The following GPRC5A variants were observed in gnomAD, a reference collection of about 807,000 sequenced individuals.
GPRC5A encodes retinoic acid-induced protein 3.
Under a neutral mutation model 22.5 loss-of-function variants are expected in GPRC5A, and 19 were observed. That is an observed-to-expected ratio of 0.85 (90% CI 0.59 to 1.24). The LOEUF is 1.24. Among genes scored for constraint, GPRC5A ranks in the 50% most tolerant of loss-of-function variants. The pLI is 0.00. For synonymous variants in GPRC5A, 192 were observed against 184.5 expected, an observed-to-expected ratio of 1.04 and a Z score of -0.33; for missense variants, 471 against 451.1, an observed-to-expected ratio of 1.04 and a Z score of -0.40.
Position 12,897,609 on chromosome 12 carries a change from C to CTT in GPRC5A, c.-8+5961_-8+5962dup, listed in dbSNP as rs35808659. Among the ~76,000 whole-genome samples, 191 of 134,102 alleles carry CTT rather than the reference C, an allele frequency of 1.4e-3. 1 individual carries two copies. Among genetic ancestry groups the CTT allele is most frequent in the African/African-American group, 3.7e-3 (137 of 36,640 alleles). The allele number at this position is 134,102 out of a possible 152,430, so 88.0% of individuals were successfully genotyped here. A position where few individuals can be genotyped will look rare whatever the true frequency, so the allele number is the denominator to read the frequency against. On this transcript the variant is annotated intron_variant, in intron 1 of 3. Transcript: ENST00000014914. Reference sequence around the variant, plus strand: ...CAGACAAAAAGGAGCGAATACGCTTCTTTTTTTTTTTTTTTTTGAGACCAT... The same window carrying CTT: ...CAGACAAAAAGGAGCGAATACGCTTCTTTTTTTTTTTTTTTTTTTGAGACCAT...
At chr12:12,904,064 G>A (rs1863916064) in intron 1 of GPRC5A, among the ~76,000 whole-genome samples, 2 of 152,220 alleles carry the variant, frequency 1.3e-5, no homozygotes, top group African/African-American at 4.8e-5. Flanking sequence ...TACCTTTCCT[G>A]CTAGACAACA....
intron 1 of GPRC5A, among the ~76,000 whole-genome samples, chr12:12,904,056 C>T (rs1053163545): frequency 1.3e-5 from 2 of 152,164 alleles, no homozygotes; most frequent in African/African-American, 4.8e-5. Context: ...GAGGGAAATA[C>T]CTTTCCTGCT....
At chr12:12,911,568 A>C (rs1864005199) in intron 2 of GPRC5A, among the ~76,000 whole-genome samples, 1 of 150,606 alleles carries the variant, frequency 6.6e-6, no homozygotes, top group Non-Finnish European at 1.5e-5. Flanking sequence ...GGCTCACTGC[A>C]AGCTCCACCT....
intron 1 of GPRC5A, among the ~76,000 whole-genome samples, chr12:12,905,565 CT>C (rs2136459680): frequency 6.6e-6 from 1 of 152,304 alleles, no homozygotes; most frequent in African/African-American, 2.4e-5. Context: ...TGTTGACAAA[CT>C]GGACTATAGT....
At chr12:12,894,657 C>A (rs1281227571) in intron 1 of GPRC5A, among the ~76,000 whole-genome samples, 1 of 152,112 alleles carries the variant, frequency 6.6e-6, no homozygotes, top group Non-Finnish European at 1.5e-5. Flanking sequence ...AATCTTCCTG[C>A]CTTCACTTCC....
rs918601231 is a variant in GPRC5A at position 12,914,311 on chromosome 12, C to T, written c.*1772C>T. On this transcript the variant is annotated 3_prime_UTR_variant, in exon 4 of 4. Coordinates refer to ENST00000014914, the MANE Select transcript of GPRC5A (RefSeq NM_003979.4). The stretch of plus-strand genomic sequence containing the variant: ...TGCTGAGTTAGGGATGTTTATATGC[C>T]GCAAAGGTTTGGTTGGTAGGCTTCG... 6.5e-5 allele frequency: 10 copies of T among 152,796 alleles called. No individual in the cohort carries two copies. The highest frequency in any genetic ancestry group is 1.3e-4 in the Admixed American group (2 of 15,270). The allele number at this position is 152,796 out of a possible 1,614,324, so 9.5% of individuals were successfully genotyped here.
At chr12:12,900,578 C>G (rs1007875199) in intron 1 of GPRC5A, among the ~76,000 whole-genome samples, 2 of 151,642 alleles carry the variant, frequency 1.3e-5, no homozygotes, top group Non-Finnish European at 2.9e-5. Context: ...CCTTCCCTCT[C>G]CCTCTTCCCC....
chr12:12,899,323 G>A (rs1479252312), intron 1 of GPRC5A, among the ~76,000 whole-genome samples: 1 of 152,196 alleles, frequency 6.6e-6, no homozygotes, highest in Non-Finnish European at 1.5e-5. Context: ...ACAGGCGTAA[G>A]CTACTGCCCC....
At chr12:12,894,616 C>T (rs541426124) in intron 1 of GPRC5A, among the ~76,000 whole-genome samples, 2 of 152,008 alleles carry the variant, frequency 1.3e-5, no homozygotes, top group South Asian at 2.1e-4. Flanking sequence ...GCCATGTAGC[C>T]TAGGCTTGAC....
rs1864065348 is a variant in GPRC5A at position 12,916,475 on chromosome 12, C to G, written c.*3936C>G. The G allele has an allele frequency of 6.6e-6, 1 of 152,190 alleles. No individual in the cohort carries two copies. The highest frequency in any genetic ancestry group is 1.5e-5 in the Non-Finnish European group (1 of 68,040). 9.4% of individuals were successfully genotyped at this position (152,190 alleles called of 1,614,324 possible). On this transcript the variant is annotated 3_prime_UTR_variant, in exon 4 of 4. Transcript: ENST00000014914. ...CCTTGCAAAGGCAGCCACTTAAAGT[C>G]GGTGTCCTGTGTGGGGCACCAAGCT...
chr12:12,897,236 A>AAAG (rs1281895803), intron 1 of GPRC5A, among the ~76,000 whole-genome samples: 2 of 151,164 alleles, frequency 1.3e-5, no homozygotes, highest in East Asian at 3.9e-4. Context: ...TTAAAAAAAA[A>AAAG]AAAAAAAAAA....
chr12:12,893,906 C>A (rs762819280), intron 1 of GPRC5A, among the ~76,000 whole-genome samples: 5 of 152,110 alleles, frequency 3.3e-5, no homozygotes, highest in Middle Eastern at 6.3e-3. Context: ...GGATTACAGG[C>A]GCCCGCTACC....
chr12:12,912,480 CGG>C lies in GPRC5A; in HGVS notation c.1017_1018del (p.Ala340ProfsTer11). On this transcript the variant is annotated frameshift_variant, in exon 4 of 4. Coordinates refer to ENST00000014914, the MANE Select transcript of GPRC5A (RefSeq NM_003979.4). LOFTEE classifies it high-confidence loss of function. ...TCCCCAAAAGGAATTCTCCATCCCACGGGCCCACGCTTGGCCGAGCCCTTACA... is the reference window on the plus strand; with the variant it reads ...TCCCCAAAAGGAATTCTCCATCCCACGCCCACGCTTGGCCGAGCCCTTACA... ...QPPQKEFSIP[R>X]AHAWPSPYKD... 1 of 1,612,636 alleles carries C rather than the reference CGG, an allele frequency of 6.2e-7. No individual in the cohort carries two copies. Among genetic ancestry groups the C allele is most frequent in the Non-Finnish European group, 8.5e-7 (1 of 1,178,616 alleles).
chr12:12,895,994 CAA>C (rs1323287104), intron 1 of GPRC5A, among the ~76,000 whole-genome samples: 1 of 12,964 alleles, frequency 7.7e-5, no homozygotes, highest in Non-Finnish European at 1.7e-4. Context: ...CTCTGTCTCA[CAA>C]AAAAAAAAAA....
At chr12:12,903,112 G>C (rs1388587273) in intron 1 of GPRC5A, among the ~76,000 whole-genome samples, 1 of 152,094 alleles carries the variant, frequency 6.6e-6, no homozygotes, top group Non-Finnish European at 1.5e-5. Flanking sequence ...ACTATTTATA[G>C]ATAAAATTAC....
chr12:12,908,227 C>T lies in GPRC5A; in HGVS notation c.-7-16C>T, dbSNP rs1863962571. Reference sequence around the variant, plus strand: ...ATTCAATACCTTCTCCCCACTCCAACATTCCTTTTCTGCAGGTCCAGAATG... The same window carrying T: ...ATTCAATACCTTCTCCCCACTCCAATATTCCTTTTCTGCAGGTCCAGAATG... On this transcript the variant is annotated splice_polypyrimidine_tract_variant and intron_variant, in intron 1 of 3. Coordinates refer to ENST00000014914, the MANE Select transcript of GPRC5A (RefSeq NM_003979.4). 1.3e-6 allele frequency: 2 copies of T among 1,506,680 alleles called. No individual in the cohort carries two copies. The highest frequency in any genetic ancestry group is 1.3e-5 in the South Asian group (1 of 77,446). 93.3% of individuals were successfully genotyped at this position (1,506,680 alleles called of 1,614,324 possible).
chr12:12,898,568 A>G (rs1372050379), intron 1 of GPRC5A, among the ~76,000 whole-genome samples: 2 of 152,106 alleles, frequency 1.3e-5, no homozygotes, highest in African/African-American at 4.8e-5. Flanking sequence ...AGGAAACCAT[A>G]TATGGCTCAG....
intron 2 of GPRC5A, chr12:12,909,388 G>A (rs1863980289): frequency 2.0e-6 from 1 of 509,272 alleles, no homozygotes. Context: ...TGAGTACTTT[G>A]TACAATTGGT....
intron 2 of GPRC5A, chr12:12,909,937 TAAAAAAAAAAAAAA>T (rs1158941504): frequency 2.1e-5 from 2 of 95,368 alleles, no homozygotes; most frequent in African/African-American, 8.3e-5. Context: ...CATCTCTATT[TAAAAAAAAAAAAAA>T]AAAAAAAAAA....
Sources: gnomAD v4.1 joint callset for allele counts (sites outside exome capture counted in the v4.1 genomes callset) on GRCh38, gnomAD v4.1.1 for gene constraint, MANE v1.5 for transcripts, NCBI Gene and HGNC (gene_info 2026-07-23, HGNC 2026-07-21) for gene names.